The following CHM variants were observed in gnomAD, a reference collection of about 807,000 sequenced individuals.
The protein encoded by CHM is CHM Rab escort protein.
A neutral mutation model predicts 49.0 loss-of-function variants in CHM; 10 were observed. The ratio of observed to expected loss-of-function variants is 0.20; its 90% confidence interval spans 0.13 to 0.35. CHM has a LOEUF of 0.35. Among genes scored for constraint, CHM ranks in the 10% least tolerant of loss-of-function variants. The pLI is 1.00. For missense variants in CHM, 455 were observed against 478.4 expected, an observed-to-expected ratio of 0.95 and a Z score of 0.46; for synonymous variants, 184 against 167.5, an observed-to-expected ratio of 1.10 and a Z score of -0.76.
At chrX:85,923,173 G>A (rs1007243244) in intron 8 of CHM, among the ~76,000 whole-genome samples, 9 of 112,324 alleles carry the variant, frequency 8.0e-5, no homozygotes, top group African/African-American at 2.9e-4. Context: ...CCAGCTGTGT[G>A]ACAGTGCTTC....
chrX:85,900,549 A>G lies in CHM; in HGVS notation c.1413+97T>C. 3 of 572,941 alleles carry G rather than the reference A, an allele frequency of 5.2e-6. No homozygotes were observed. In the South Asian group the frequency reaches 7.8e-5, roughly 15 times the overall value. 47.2% of individuals were successfully genotyped at this position (572,941 alleles called of 1,213,427 possible). The stretch of plus-strand genomic sequence containing the variant: ...GGTAACTATGTAAAGACATATGTTA[A>G]TTAGCTTGAGTGTAGTGATTAGTTC... On this transcript the variant is annotated intron_variant, in intron 11 of 14. Transcript: ENST00000357749.
At chrX:86,021,130 A>G (rs1190032094) in intron 2 of CHM, among the ~76,000 whole-genome samples, 16 of 25,902 alleles carry the variant, frequency 6.2e-4, no homozygotes, top group African/African-American at 2.3e-3. Flanking sequence ...ATATACGTAT[A>G]TATATATATA....
At chrX:85,972,564 G>A (rs776961857) in intron 4 of CHM, among the ~76,000 whole-genome samples, 1 of 113,139 alleles carries the variant, frequency 8.8e-6, no homozygotes, top group South Asian at 3.6e-4. Context: ...TGGCACTGCT[G>A]GGGGACCCAG....
At chrX:85,948,907 T>C (rs1389542862) in intron 8 of CHM, among the ~76,000 whole-genome samples, 1 of 111,895 alleles carries the variant, frequency 8.9e-6, no homozygotes, top group Non-Finnish European at 1.9e-5. Flanking sequence ...TAAAAGTTAA[T>C]ATCTGTAGGT....
At chrX:86,024,915 T>C (rs1933742312) in intron 2 of CHM, among the ~76,000 whole-genome samples, 1 of 110,949 alleles carries the variant, frequency 9.0e-6, no homozygotes, top group South Asian at 3.9e-4. Context: ...GAGGTGAGAA[T>C]GGGGAGGATG....
In CHM at chrX:85,957,746, T is replaced by C. The variant is rs1359654707; in HGVS notation, c.940+109A>G. The C allele has an allele frequency of 4.1e-6, 4 of 970,734 alleles. No individual in the cohort carries two copies. The African/African-American group carries it at 5.9e-5, about 14-fold the overall frequency. 80.0% of individuals were successfully genotyped at this position (970,734 alleles called of 1,213,427 possible). On this transcript the variant is annotated intron_variant, in intron 7 of 14. Coordinates refer to ENST00000357749, the MANE Select transcript of CHM (RefSeq NM_000390.4). ...GGCTAACCTATTGATAGTGCAGAGT[T>C]AGAATGCATTTTAAAACAGTAATAA... is the stretch of plus-strand genomic sequence containing the variant.
At chrX:85,946,726 C>A (rs940628687) in intron 8 of CHM, among the ~76,000 whole-genome samples, 17 of 111,641 alleles carry the variant, frequency 1.5e-4, no homozygotes, top group Admixed American at 1.5e-3. Context: ...AGGCCCCATG[C>A]AGAGTCCCTA....
intron 2 of CHM, among the ~76,000 whole-genome samples, chrX:86,011,904 C>A (rs1933087655): frequency 9.0e-6 from 1 of 111,508 alleles, no homozygotes. Context: ...GATAAGGAAA[C>A]CGATTTTCCC....
intron 1 of CHM, among the ~76,000 whole-genome samples, chrX:86,044,189 T>C (rs777213532): frequency 2.7e-5 from 3 of 112,028 alleles, no homozygotes; most frequent in Non-Finnish European, 5.6e-5. Flanking sequence ...GACTAGGTTC[T>C]CAGTAAATGT....
Position 85,973,300 on chromosome X carries a change from C to CAAAAAAAAAAA in CHM, c.314+5456_314+5466dup, listed in dbSNP as rs58103002. The stretch of plus-strand genomic sequence containing the variant: ...GTGACACAGTGAGACTCTGTCTCGA[C>CAAAAAAAAAAA]AAAAAAAAAAAAAAAAAAAAAAAAA... On this transcript the variant is annotated intron_variant, in intron 4 of 14. Coordinates refer to ENST00000357749, the MANE Select transcript of CHM (RefSeq NM_000390.4). Among the ~76,000 whole-genome samples, 23 of 16,334 alleles carry CAAAAAAAAAAA rather than the reference C, an allele frequency of 1.4e-3. 1 individual carries two copies. The highest frequency in any genetic ancestry group is 3.4e-3 in the East Asian group (1 of 294). 14.2% of individuals were successfully genotyped at this position (16,334 alleles called of 115,157 possible).
At chrX:85,915,915 C>G (rs989167403) in intron 8 of CHM, among the ~76,000 whole-genome samples, 1 of 112,285 alleles carries the variant, frequency 8.9e-6, no homozygotes, top group Non-Finnish European at 1.9e-5. Flanking sequence ...TAAACTACCA[C>G]TGACATTCTT....
intron 1 of CHM, 110 bp downstream of exon 1, chrX:86,047,374 C>A (rs1934690130): frequency 4.3e-6 from 3 of 692,624 alleles, no homozygotes; most frequent in Non-Finnish European, 6.8e-6. Flanking sequence ...TTCAGTTCTC[C>A]CTCCCACTCT....
At chrX:85,869,071 C>A (rs1219273707) in intron 14 of CHM, among the ~76,000 whole-genome samples, 1 of 111,622 alleles carries the variant, frequency 9.0e-6, no homozygotes, top group African/African-American at 3.3e-5. Flanking sequence ...TGCTACTCTT[C>A]TGTTATACCC....
Position 85,963,673 on chromosome X carries a change from C to T in CHM, c.694G>A (p.Val232Ile), listed in dbSNP as rs1201380865. 4 of 1,200,577 alleles carry T rather than the reference C, an allele frequency of 3.3e-6. No individual in the cohort carries two copies. The highest frequency in any genetic ancestry group is 2.2e-5 in the Admixed American group (1 of 45,983). ...GTAAAATTAGTACTTACCTTTGATA[C>T]TAAATCAATATTAAATCTCCTGCCT... is the stretch of plus-strand genomic sequence containing the variant. ...KEGRRFNIDL[V>I]SKLLYSRGLL... Residue 232 changes from valine (V) to isoleucine (I), a missense_variant, in exon 5 of 15, where the codon GTA becomes ATA. Coordinates refer to ENST00000357749, the MANE Select transcript of CHM (RefSeq NM_000390.4).
intron 4 of CHM, 21 bp from the exon 5 acceptor site, chrX:85,964,073 A>C: frequency 8.4e-7 from 1 of 1,189,785 alleles, no homozygotes; most frequent in Non-Finnish European, 1.1e-6. Context: ...ATATAATAAT[A>C]AACACCAGGC....
chrX:85,902,534 G>C (rs1196636008), intron 9 of CHM, among the ~76,000 whole-genome samples: 2 of 110,944 alleles, frequency 1.8e-5, no homozygotes, highest in African/African-American at 3.3e-5. Context: ...ATATTTACAT[G>C]ATTTTTTTCC....
chrX:85,988,648 A>T (rs1175081409), intron 2 of CHM, among the ~76,000 whole-genome samples: 9 of 112,009 alleles, frequency 8.0e-5, no homozygotes, highest in Non-Finnish European at 1.7e-4. Context: ...CAACTTCAGC[A>T]AAGTTTCAGG....
chrX:85,923,686 AAG>A (rs1927924400), intron 8 of CHM, among the ~76,000 whole-genome samples: 1 of 111,915 alleles, frequency 8.9e-6, no homozygotes, highest in East Asian at 2.8e-4. Flanking sequence ...TACCTAGTAC[AAG>A]AGAGAGACAA....
rs147821130 is a variant in CHM at position 85,872,903 on chromosome X, T to C, written c.1770+149A>G. 2,501 of 452,728 alleles carry C rather than the reference T, an allele frequency of 5.5e-3. 55 individuals are homozygous for C. Among genetic ancestry groups the C allele is most frequent in the African/African-American group, 0.052 (2,109 of 40,482 alleles). The allele number at this position is 452,728 out of a possible 1,213,427, so 37.3% of individuals were successfully genotyped here. ...ATTTAAAGTATATTTAAAGTAGCTT[T>C]GTAGGTCATAGAAAAAACTTTTAGG... On this transcript the variant is annotated intron_variant, in intron 14 of 14. Transcript: ENST00000357749.
Sources: allele counts gnomAD v4.1 joint callset (sites outside exome capture counted in the v4.1 genomes callset), GRCh38; gene constraint gnomAD v4.1.1; transcripts MANE v1.5; gene names NCBI Gene and HGNC (gene_info 2026-07-23, HGNC 2026-07-21).